Variants in NOS1AP observed in about 807,000 individuals in gnomAD.
NOS1AP encodes the protein carboxyl-terminal PDZ ligand of neuronal nitric oxide synthase protein.
Under a neutral mutation model 56.2 loss-of-function variants are expected in NOS1AP, and 21 were observed. The ratio of observed to expected loss-of-function variants is 0.37; its 90% CI spans 0.26 to 0.54. The LOEUF (loss-of-function observed/expected upper bound fraction) is 0.54, where lower values mean the gene tolerates loss of function less well. NOS1AP is among the 20% of genes least tolerant of loss of function. NOS1AP has a pLI of 0.84. For synonymous variants in NOS1AP, 270 were observed against 274.6 expected (o/e 0.98, Z 0.17); for missense variants, 522 against 657.8 (o/e 0.79, Z 2.26).
chr1:162,129,407 C>T (rs1648645130), intron 1 of NOS1AP, among the ~76,000 whole-genome samples: 2 of 152,162 alleles, frequency 1.3e-5, no homozygotes, highest in South Asian at 4.1e-4. Flanking sequence ...CTATTCTGCT[C>T]AGACCAGTCC....
At chr1:162,278,664 CGTGTGT>C (rs57058985) in intron 2 of NOS1AP, among the ~76,000 whole-genome samples, 1,963 of 143,100 alleles carry the variant, frequency 0.014, 18 homozygotes, top group Middle Eastern at 0.028. Flanking sequence ...ACTCCTTCTA[CGTGTGT>C]GTGTGTGTGT....
chr1:162,138,389 G>A (rs1410204742), intron 1 of NOS1AP, among the ~76,000 whole-genome samples: 1 of 152,118 alleles, frequency 6.6e-6, no homozygotes, highest in East Asian at 1.9e-4. Context: ...ATGGGTGGGA[G>A]GAGTTTGCAG....
At chr1:162,176,669 C>T (rs540761770) in intron 2 of NOS1AP, among the ~76,000 whole-genome samples, 8 of 152,076 alleles carry the variant, frequency 5.3e-5, no homozygotes, top group East Asian at 1.9e-4. Context: ...CTACCACGCC[C>T]AGCTACTTTT....
At position 162,171,057 on chromosome 1, in the gene NOS1AP, G is replaced by A. The variant is rs577601880; in HGVS notation, c.177+16581G>A. 5.9e-5 allele frequency among the ~76,000 whole-genome samples: 9 copies of A among 152,310 alleles called. No homozygotes were observed. In the South Asian group the frequency reaches 1.7e-3, roughly 28 times the overall value. Reference sequence around the variant, plus strand: ...TTTTGGATTTGGGGTGGGGTCCAGGGCCTCTGGGATGCCAACATGCTGGGG... The same window carrying A: ...TTTTGGATTTGGGGTGGGGTCCAGGACCTCTGGGATGCCAACATGCTGGGG... On this transcript the variant is annotated intron_variant, in intron 2 of 9. Coordinates refer to ENST00000361897, the MANE Select transcript of NOS1AP (RefSeq NM_014697.3).
intron 6 of NOS1AP, among the ~76,000 whole-genome samples, chr1:162,353,095 A>G (rs986062724): frequency 4.4e-5 from 6 of 137,922 alleles, no homozygotes; most frequent in African/African-American, 1.7e-4. Context: ...CGATCCTTCG[A>G]ATCCATCTCT....
chr1:162,191,035 C>T (rs1651614434), intron 2 of NOS1AP, among the ~76,000 whole-genome samples: 1 of 152,050 alleles, frequency 6.6e-6, no homozygotes, highest in African/African-American at 2.4e-5. Context: ...TTCTAGAGTC[C>T]TGAATGGGCA....
intron 6 of NOS1AP, among the ~76,000 whole-genome samples, chr1:162,352,950 T>C (rs901719790): frequency 2.0e-5 from 3 of 152,170 alleles, no homozygotes; most frequent in African/African-American, 7.2e-5. Context: ...GCAATCCTGC[T>C]TCTCCTGGAT....
At chr1:162,088,286 C>T (rs1692047663) in intron 1 of NOS1AP, among the ~76,000 whole-genome samples, 1 of 152,160 alleles carries the variant, frequency 6.6e-6, no homozygotes, top group African/African-American at 2.4e-5. Flanking sequence ...CAGTACTTTG[C>T]AACCCTGCTG....
At chr1:162,352,725 G>T (rs753522022) in intron 6 of NOS1AP, among the ~76,000 whole-genome samples, 3 of 151,750 alleles carry the variant, frequency 2.0e-5, no homozygotes, top group Non-Finnish European at 4.4e-5. Flanking sequence ...TCTTATAAGG[G>T]CATGAATCCC....
intron 8 of NOS1AP, among the ~76,000 whole-genome samples, chr1:162,362,464 GAAA>G (rs1657936344): frequency 8.0e-6 from 1 of 125,572 alleles, no homozygotes; most frequent in Non-Finnish European, 1.7e-5. Flanking sequence ...AAAAAAAGAA[GAAA>G]AAAGAAAGAA....
At chr1:162,072,817 C>T (rs1015017123) in intron 1 of NOS1AP, among the ~76,000 whole-genome samples, 11 of 152,230 alleles carry the variant, frequency 7.2e-5, no homozygotes, top group Non-Finnish European at 1.3e-4. Flanking sequence ...AGTGTCTATG[C>T]AACTGCACAA....
Position 162,357,004 on chromosome 1 carries a change from G to A in NOS1AP, c.807G>A (p.Met269Ile). 5 of 1,614,106 alleles carry A rather than the reference G, an allele frequency of 3.1e-6. No individual in the cohort carries two copies. The highest frequency in any genetic ancestry group is 3.4e-6 in the Non-Finnish European group (4 of 1,180,042). Residue 269 changes from methionine to isoleucine, a missense_variant, in exon 8 of 10, where the codon ATG (methionine) becomes ATA (isoleucine). Around this residue, in one of 4 missense-constraint regions of NOS1AP, gnomAD observed 178 missense variants for 165.0 expected, o/e 1.08. Coordinates refer to ENST00000361897, the MANE Select transcript of NOS1AP (RefSeq NM_014697.3). Reference sequence around the variant, plus strand: ...CCATGCTGACAGCCTCACCCAGGATGCTGCTCCCTTCTTCTTCCTCGAAGC... The same window carrying A: ...CCATGCTGACAGCCTCACCCAGGATACTGCTCCCTTCTTCTTCCTCGAAGC... ...QEPMLTASPR[M>I]LLPSSSSKPP...
At chr1:162,150,555 G>A (rs1222022149) in intron 1 of NOS1AP, among the ~76,000 whole-genome samples, 1 of 152,140 alleles carries the variant, frequency 6.6e-6, no homozygotes, top group East Asian at 1.9e-4. Context: ...CTCCATAGTG[G>A]TTGTACTAAT....
intron 2 of NOS1AP, among the ~76,000 whole-genome samples, chr1:162,281,450 GATAA>G (rs1177508247): frequency 1.3e-5 from 2 of 152,270 alleles, no homozygotes; most frequent in East Asian, 1.9e-4. Context: ...TGGCCTGTGG[GATAA>G]ATAAATAATC....
chr1:162,196,323 C>A (rs918068233), intron 2 of NOS1AP, among the ~76,000 whole-genome samples: 1 of 152,166 alleles, frequency 6.6e-6, no homozygotes, highest in Non-Finnish European at 1.5e-5. Flanking sequence ...TTCACCAATG[C>A]TGTCTTCATT....
At chr1:162,130,573 T>A (rs1049719883) in intron 1 of NOS1AP, among the ~76,000 whole-genome samples, 1 of 152,158 alleles carries the variant, frequency 6.6e-6, no homozygotes, top group Non-Finnish European at 1.5e-5. Context: ...AACAGACAAG[T>A]ACATTAGGCC....
chr1:162,291,165 C>T (rs1331575383), intron 3 of NOS1AP, among the ~76,000 whole-genome samples: 1 of 152,194 alleles, frequency 6.6e-6, no homozygotes, highest in African/African-American at 2.4e-5. Flanking sequence ...TCCTCTCTCT[C>T]CCAGCCTGTC....
intron 1 of NOS1AP, among the ~76,000 whole-genome samples, chr1:162,127,950 AT>A (rs1418592586): frequency 6.6e-6 from 1 of 152,240 alleles, no homozygotes; most frequent in Admixed American, 6.5e-5. Flanking sequence ...CACCAAAAAA[AT>A]GATGATTTGC....
intron 4 of NOS1AP, among the ~76,000 whole-genome samples, chr1:162,318,996 T>C (rs1669543780): frequency 6.6e-6 from 1 of 152,196 alleles, no homozygotes; most frequent in African/African-American, 2.4e-5. Context: ...CCATGGTGGC[T>C]GCCCCTGCCT....
Sources: gnomAD v4.1 joint callset for allele counts (sites outside exome capture counted in the v4.1 genomes callset) on GRCh38, gnomAD v4.1.1 for gene constraint, gnomAD v4.1.1 regional missense constraint, MANE v1.5 for transcripts, NCBI Gene and HGNC (gene_info 2026-07-23, HGNC 2026-07-21) for gene names.